The following ADARB2 variants were observed in gnomAD, a reference collection of about 807,000 sequenced individuals.
ADARB2 encodes the protein inactive double-stranded RNA-specific editase B2.
A neutral mutation model predicts 62.2 loss-of-function variants in ADARB2; 25 were observed. That is an observed-to-expected ratio of 0.40 (90% CI 0.29 to 0.56). ADARB2 has a LOEUF of 0.56. Ranked by LOEUF, ADARB2 falls within the 20% of genes least tolerant of loss-of-function variation. ADARB2 has a pLI of 0.43. For synonymous variants in ADARB2, 572 were observed against 500.8 expected (o/e 1.14, Z -1.90); for missense variants, 1,071 against 1,077.4 (o/e 0.99, Z 0.08).
chr10:1,316,116 G>C (rs1831736907), intron 3 of ADARB2, among the ~76,000 whole-genome samples: 1 of 152,262 alleles, frequency 6.6e-6, no homozygotes, highest in African/African-American at 2.4e-5. Context: ...TTTAAAGACT[G>C]AGTGTGAACT....
At chr10:1,515,246 G>T (rs1373040033) in intron 1 of ADARB2, among the ~76,000 whole-genome samples, 1 of 152,230 alleles carries the variant, frequency 6.6e-6, no homozygotes, top group Non-Finnish European at 1.5e-5. Flanking sequence ...GCAGCACAGA[G>T]CAGGGGCAGG....
At chr10:1,568,352 G>T (rs1057059313) in intron 1 of ADARB2, among the ~76,000 whole-genome samples, 1 of 152,196 alleles carries the variant, frequency 6.6e-6, no homozygotes, top group East Asian at 1.9e-4. Flanking sequence ...AAGCAGCACC[G>T]ATGGTCCAGC....
rs1360383701 is a variant in ADARB2, at chr10:1,177,505, T to C, written c.*5688A>G. 6.6e-6 allele frequency: 1 copy of C among 152,220 alleles called. No homozygotes were observed. The highest frequency in any genetic ancestry group is 1.5e-5 in the Non-Finnish European group (1 of 68,028). The allele number at this position is 152,220 out of a possible 1,614,324, so 9.4% of individuals were successfully genotyped here. On this transcript the variant is annotated 3_prime_UTR_variant, in exon 10 of 10. Transcript: ENST00000381312. ...TTGCCATTCTATCATGCTTTTTATG[T>C]ACATACCTTCAATTAGAATTACTAT...
intron 1 of ADARB2, among the ~76,000 whole-genome samples, chr10:1,670,560 A>C (rs1588346164): frequency 6.6e-6 from 1 of 152,224 alleles, no homozygotes; most frequent in African/African-American, 2.4e-5. Flanking sequence ...CCCCTCTCCC[A>C]GTGGCCCCGG....
At chr10:1,454,706 T>A (rs1232457501) in intron 1 of ADARB2, among the ~76,000 whole-genome samples, 1 of 151,990 alleles carries the variant, frequency 6.6e-6, no homozygotes, top group Non-Finnish European at 1.5e-5. Context: ...GTGGAGACAG[T>A]TTCAGTTCTG....
chr10:1,696,951 CATG>C (rs1834754009), intron 1 of ADARB2, among the ~76,000 whole-genome samples: 1 of 149,360 alleles, frequency 6.7e-6, no homozygotes, highest in African/African-American at 2.5e-5. Flanking sequence ...TTTCTTAAAA[CATG>C]ATGAGATTAT....
chr10:1,299,897 G>T (rs1589184313), intron 3 of ADARB2, among the ~76,000 whole-genome samples: 1 of 152,340 alleles, frequency 6.6e-6, no homozygotes, highest in South Asian at 2.1e-4. Context: ...ATAAAGTGCA[G>T]TTGCTACTTG....
At chr10:1,230,215 G>T (rs1475876467) in intron 6 of ADARB2, among the ~76,000 whole-genome samples, 1 of 152,200 alleles carries the variant, frequency 6.6e-6, no homozygotes, top group Non-Finnish European at 1.5e-5. Flanking sequence ...GGCCCTCAGG[G>T]CTTCCTTTGT....
chr10:1,481,644 G>A (rs1054218023), intron 1 of ADARB2, among the ~76,000 whole-genome samples: 5 of 148,140 alleles, frequency 3.4e-5, no homozygotes, highest in Non-Finnish European at 4.5e-5. Flanking sequence ...GGATCACGAG[G>A]TCAGGAGTTC....
At chr10:1,258,180 T>G (rs1831098304) in intron 4 of ADARB2, among the ~76,000 whole-genome samples, 1 of 152,154 alleles carries the variant, frequency 6.6e-6, no homozygotes, top group Non-Finnish European at 1.5e-5. Context: ...CTTTCTTAAG[T>G]GTGCTTAACC....
At chr10:1,707,008 T>C (rs1834898388) in intron 1 of ADARB2, among the ~76,000 whole-genome samples, 2 of 152,194 alleles carry the variant, frequency 1.3e-5, no homozygotes. Context: ...TCTCTTCAGG[T>C]ACCCGGTCCA....
At chr10:1,725,854 C>T (rs1835157075) in intron 1 of ADARB2, among the ~76,000 whole-genome samples, 1 of 152,152 alleles carries the variant, frequency 6.6e-6, no homozygotes, top group Non-Finnish European at 1.5e-5. Context: ...GTGAGAAGTC[C>T]CAGGGAGAGA....
At chr10:1,199,330 C>T (rs1227687247) in intron 8 of ADARB2, 1 of 152,170 alleles carries the variant, frequency 6.6e-6, no homozygotes, top group Non-Finnish European at 1.5e-5. Flanking sequence ...TCGCAGCTGC[C>T]AAGGGACTCT....
intron 1 of ADARB2, among the ~76,000 whole-genome samples, chr10:1,709,079 C>G (rs1348616728): frequency 6.6e-6 from 1 of 152,212 alleles, no homozygotes; most frequent in Admixed American, 6.5e-5. Context: ...TTGATCTAAA[C>G]TAAGAATGAC....
chr10:1,298,398 C>T (rs1831542584), intron 3 of ADARB2, among the ~76,000 whole-genome samples: 1 of 152,138 alleles, frequency 6.6e-6, no homozygotes, highest in African/African-American at 2.4e-5. Context: ...CCCGGGGGCA[C>T]ATCCCAGGGC....
At chr10:1,678,875 G>A (rs75365566) in intron 1 of ADARB2, among the ~76,000 whole-genome samples, 9,401 of 152,028 alleles carry the variant, frequency 0.062, 320 homozygotes, top group Middle Eastern at 0.085. Context: ...GGGTTGTCTT[G>A]CCCACCAGGT....
chr10:1,727,409 C>T (rs1036087064), intron 1 of ADARB2, among the ~76,000 whole-genome samples: 9 of 152,272 alleles, frequency 5.9e-5, no homozygotes, highest in Non-Finnish European at 1.0e-4. Context: ...GTGTAAAAGA[C>T]GACAGCTCAG....
intron 1 of ADARB2, among the ~76,000 whole-genome samples, chr10:1,612,286 TC>T (rs11321421): frequency 0.01 from 1,536 of 152,274 alleles, 31 homozygotes; most frequent in African/African-American, 0.036. Context: ...GGCGTGTTCC[TC>T]AAATAGAACA....
At chr10:1,371,081 G>A (rs1301563555) in intron 2 of ADARB2, among the ~76,000 whole-genome samples, 2 of 152,200 alleles carry the variant, frequency 1.3e-5, no homozygotes, top group Non-Finnish European at 2.9e-5. Flanking sequence ...GAACAGGATG[G>A]TATTGGTACG....
Sources: gnomAD v4.1 joint callset for allele counts (sites outside exome capture counted in the v4.1 genomes callset) on GRCh38, gnomAD v4.1.1 for gene constraint, MANE v1.5 for transcripts, NCBI Gene and HGNC (gene_info 2026-07-23, HGNC 2026-07-21) for gene names.